ASAP1: variants seen among roughly 807,000 people sequenced by gnomAD.
ASAP1 encodes the protein ArfGAP with SH3 domain, ankyrin repeat and PH domain 1, also known as arf-GAP with SH3 domain, ANK repeat and PH domain-containing protein 1.
ASAP1 carries 43 observed loss-of-function variants against 145.2 expected under a neutral mutation model. The ratio of observed to expected loss-of-function variants is 0.30; its 90% CI spans 0.23 to 0.38. The LOEUF is 0.38. Among genes scored for constraint, ASAP1 ranks in the 10% least tolerant of loss-of-function variants. The pLI is 1.00. For missense variants in ASAP1, 1,018 were observed against 1,355.3 expected (o/e 0.75, Z 3.91); for synonymous variants, 546 against 515.5 (o/e 1.06, Z -0.80).
intron 10 of ASAP1, 128 bp from the exon 11 acceptor site, chr8:130,167,750 C>T: frequency 3.1e-6 from 2 of 648,782 alleles, no homozygotes; most frequent in South Asian, 1.9e-5. Context: ...GTCCTTTATA[C>T]TGTCTCATTT....
At chr8:130,303,654 A>T (rs919955302) in intron 3 of ASAP1, among the ~76,000 whole-genome samples, 2 of 152,218 alleles carry the variant, frequency 1.3e-5, no homozygotes, top group Non-Finnish European at 2.9e-5. Flanking sequence ...CTAAGTGAAA[A>T]AAGTCAATCT....
chr8:130,379,294 G>T (rs1395473143), intron 2 of ASAP1, among the ~76,000 whole-genome samples: 1 of 152,144 alleles, frequency 6.6e-6, no homozygotes, highest in Admixed American at 6.5e-5. Context: ...TCCCTGAGTT[G>T]TATCCTTTAT....
chr8:130,279,293 AG>A (rs1821113685), intron 3 of ASAP1, among the ~76,000 whole-genome samples: 1 of 152,116 alleles, frequency 6.6e-6, no homozygotes. Flanking sequence ...ACCCAGCACT[AG>A]GGGTTCTGAA....
At chr8:130,077,956 G>T (rs2097467653) in intron 26 of ASAP1, among the ~76,000 whole-genome samples, 1 of 151,642 alleles carries the variant, frequency 6.6e-6, no homozygotes, top group Non-Finnish European at 1.5e-5. Flanking sequence ...GTTGCCAAAG[G>T]CTCTAGTTCA....
chr8:130,121,403 A>G (rs992942165), intron 18 of ASAP1, among the ~76,000 whole-genome samples: 10 of 152,184 alleles, frequency 6.6e-5, no homozygotes, highest in African/African-American at 2.2e-4. Flanking sequence ...GCACCTGTCC[A>G]AGTCATGACA....
At chr8:130,205,244 C>G (rs1194125554) in intron 5 of ASAP1, among the ~76,000 whole-genome samples, 1 of 152,042 alleles carries the variant, frequency 6.6e-6, no homozygotes, top group Non-Finnish European at 1.5e-5. Context: ...TAGACAATCA[C>G]GTACACATAT....
At chr8:130,161,097 C>T (rs779257306) in intron 11 of ASAP1, among the ~76,000 whole-genome samples, 43 of 152,088 alleles carry the variant, frequency 2.8e-4, no homozygotes, top group Non-Finnish European at 4.9e-4. Context: ...AAATGGTTGA[C>T]AAACCTCAAA....
chr8:130,140,705 C>T (rs1411364320), intron 13 of ASAP1, among the ~76,000 whole-genome samples: 1 of 152,178 alleles, frequency 6.6e-6, no homozygotes, highest in African/African-American at 2.4e-5. Context: ...ACATGAACTG[C>T]ATTTGACACA....
chr8:130,308,808 G>A (rs1017979729), intron 3 of ASAP1, among the ~76,000 whole-genome samples: 1 of 152,094 alleles, frequency 6.6e-6, no homozygotes, highest in Non-Finnish European at 1.5e-5. Context: ...TTGGGAGGCC[G>A]AGGCAGGTGG....
At chr8:130,176,181 T>TA (rs1813939415) in intron 9 of ASAP1, among the ~76,000 whole-genome samples, 1 of 152,236 alleles carries the variant, frequency 6.6e-6, no homozygotes, top group Admixed American at 6.5e-5. Context: ...TCGTGACTAT[T>TA]ACTACCTAGG....
At position 130,358,827 on chromosome 8, in the gene ASAP1, G is replaced by C. The variant is rs1354296540; in HGVS notation, c.60-684C>G. ...GCTCCCGACCCCGGCTGCGCGGCAC[G>C]GGGGCTCCGGAAGCCCGAGTCCCTG... On this transcript the variant is annotated intron_variant, in intron 2 of 29. Coordinates refer to ENST00000518721, the MANE Select transcript of ASAP1 (RefSeq NM_018482.4). The surrounding 1 kb of genome is among the most constrained non-coding windows in gnomAD (Gnocchi z 4.1). Among the ~76,000 whole-genome samples the C allele has an allele frequency of 1.3e-5, 2 of 151,102 alleles. No individual in the cohort carries two copies. The highest frequency in any genetic ancestry group is 6.6e-5 in the Admixed American group (1 of 15,184).
At chr8:130,377,958 C>T (rs985136926) in intron 2 of ASAP1, among the ~76,000 whole-genome samples, 1 of 152,240 alleles carries the variant, frequency 6.6e-6, no homozygotes. Flanking sequence ...AGTGTGCTGT[C>T]TGTTTCCTCC....
intron 2 of ASAP1, chr8:130,361,027 A>T (rs962111436): frequency 6.5e-6 from 1 of 154,768 alleles, no homozygotes; most frequent in African/African-American, 2.4e-5. Context: ...CACTCCAAGA[A>T]GGCCTTCCTT....
At chr8:130,408,006 A>T (rs1195375624) in intron 1 of ASAP1, among the ~76,000 whole-genome samples, 2 of 152,192 alleles carry the variant, frequency 1.3e-5, no homozygotes, top group Non-Finnish European at 2.9e-5. Context: ...ACCTAAAGAA[A>T]ATAGACCAAA....
At chr8:130,291,802 GT>G (rs926809416) in intron 3 of ASAP1, among the ~76,000 whole-genome samples, 2 of 152,200 alleles carry the variant, frequency 1.3e-5, no homozygotes, top group African/African-American at 4.8e-5. Flanking sequence ...GATGCCATAT[GT>G]TAAAGTTCTC....
At chr8:130,168,566 G>T (rs113649953) in intron 10 of ASAP1, among the ~76,000 whole-genome samples, 4 of 152,248 alleles carry the variant, frequency 2.6e-5, no homozygotes, top group African/African-American at 9.6e-5. Context: ...CTCCAGCCTG[G>T]GCGACAGAGT....
At chr8:130,280,680 G>C (rs1821196801) in intron 3 of ASAP1, among the ~76,000 whole-genome samples, 1 of 152,212 alleles carries the variant, frequency 6.6e-6, no homozygotes, top group Non-Finnish European at 1.5e-5. Flanking sequence ...GTGAAAATTT[G>C]TAATAAAATA....
At chr8:130,183,331 A>AATT (rs1021193262) in intron 7 of ASAP1, among the ~76,000 whole-genome samples, 5 of 151,886 alleles carry the variant, frequency 3.3e-5, no homozygotes, top group African/African-American at 1.2e-4. Flanking sequence ...TTAGAGATAA[A>AATT]ATTATTATTA....
At chr8:130,179,004 TC>T in intron 9 of ASAP1, 1 of 316,764 alleles carries the variant, frequency 3.2e-6, no homozygotes, top group Non-Finnish European at 5.8e-6. Flanking sequence ...CCACAGGCGA[TC>T]AAATTTAGGA....
Sources: gnomAD v4.1 joint callset for allele counts (sites outside exome capture counted in the v4.1 genomes callset) on GRCh38, gnomAD v4.1.1 for gene constraint, Gnocchi (gnomAD v3.1) non-coding constraint, MANE v1.5 for transcripts, NCBI Gene and HGNC (gene_info 2026-07-23, HGNC 2026-07-21) for gene names.